NELL2: variants seen among roughly 807,000 people sequenced by gnomAD.
NELL2 encodes neural EGFL like 2.
NELL2 carries 41 observed loss-of-function variants against 109.6 expected under a neutral mutation model. The observed-to-expected ratio is 0.37, with a 90% CI of 0.29 to 0.49. NELL2 has a LOEUF of 0.49. Among genes scored for constraint, NELL2 ranks in the 20% least tolerant of loss-of-function variants. The pLI is 0.98. For synonymous variants in NELL2, 355 were observed against 344.7 expected, an observed-to-expected ratio of 1.03 and a Z score of -0.33; for missense variants, 900 against 1,008.3, an observed-to-expected ratio of 0.89 and a Z score of 1.45.
intron 2 of NELL2, among the ~76,000 whole-genome samples, chr12:44,820,874 G>A (rs1281905341): frequency 6.6e-6 from 1 of 151,654 alleles, no homozygotes; most frequent in Non-Finnish European, 1.5e-5. Flanking sequence ...TGATATGAGA[G>A]AGGTTAAAGT....
chr12:44,519,365 T>C (rs1941417267), intron 19 of NELL2, among the ~76,000 whole-genome samples: 1 of 152,262 alleles, frequency 6.6e-6, no homozygotes, highest in Admixed American at 6.5e-5. Context: ...CTATATGCTC[T>C]GCCTATATTC....
intron 11 of NELL2, among the ~76,000 whole-genome samples, chr12:44,704,736 T>C (rs1937760021): frequency 1.3e-5 from 2 of 152,156 alleles, no homozygotes; most frequent in African/African-American, 4.8e-5. Flanking sequence ...AGAAAGAAGG[T>C]GGCTGGGCAT....
At chr12:44,564,185 T>C (rs1943573985) in intron 15 of NELL2, among the ~76,000 whole-genome samples, 1 of 152,200 alleles carries the variant, frequency 6.6e-6, no homozygotes, top group Admixed American at 6.5e-5. Flanking sequence ...TTTAGTGAGT[T>C]AAACGACAAA....
intron 13 of NELL2, among the ~76,000 whole-genome samples, chr12:44,630,633 T>C (rs1946419258): frequency 5.3e-5 from 8 of 152,106 alleles, no homozygotes; most frequent in Admixed American, 4.6e-4. Context: ...GAATTATCCT[T>C]TAAGAAGTCC....
At chr12:44,641,746 G>C (rs1020796269) in intron 13 of NELL2, among the ~76,000 whole-genome samples, 2 of 144,270 alleles carry the variant, frequency 1.4e-5, no homozygotes, top group Admixed American at 7.1e-5. Flanking sequence ...ATCCAGGCTG[G>C]AGTTCAGTGG....
At chr12:44,790,465 T>G (rs1023433245) in intron 3 of NELL2, among the ~76,000 whole-genome samples, 8 of 152,148 alleles carry the variant, frequency 5.3e-5, no homozygotes, top group African/African-American at 1.9e-4. Flanking sequence ...TTACAAGTAC[T>G]GCTAAAAGGA....
At chr12:44,921,556 TATG>T (rs1945868107) in intron 1 of NELL2, among the ~76,000 whole-genome samples, 2 of 152,184 alleles carry the variant, frequency 1.3e-5, no homozygotes, top group South Asian at 4.1e-4. Context: ...AATGAATTGT[TATG>T]ATGATTAATT....
intron 13 of NELL2, among the ~76,000 whole-genome samples, chr12:44,622,378 A>G (rs947093555): frequency 6.6e-6 from 1 of 152,130 alleles, no homozygotes; most frequent in Non-Finnish European, 1.5e-5. Context: ...TTTCAAAGAA[A>G]GAAAAGGCTT....
chr12:44,589,095 C>T (rs996380263), intron 15 of NELL2, among the ~76,000 whole-genome samples: 3 of 152,276 alleles, frequency 2.0e-5, no homozygotes, highest in Non-Finnish European at 4.4e-5. Context: ...GGAGTTACTT[C>T]TCAGTATGGC....
intron 3 of NELL2, among the ~76,000 whole-genome samples, chr12:44,781,531 A>T (rs1274096372): frequency 1.3e-5 from 2 of 152,126 alleles, no homozygotes; most frequent in East Asian, 3.8e-4. Context: ...AAACTCACAG[A>T]TTCAAGAATC....
intron 2 of NELL2, among the ~76,000 whole-genome samples, chr12:44,829,188 A>G (rs970165787): frequency 6.6e-6 from 1 of 152,144 alleles, no homozygotes; most frequent in Non-Finnish European, 1.5e-5. Flanking sequence ...ATAAGGCAGA[A>G]ACATTAAGCA....
At chr12:44,690,731 T>C (rs997676001) in intron 12 of NELL2, among the ~76,000 whole-genome samples, 6 of 152,190 alleles carry the variant, frequency 3.9e-5, no homozygotes, top group Non-Finnish European at 8.8e-5. Flanking sequence ...CTCATGACTA[T>C]ATGACCAACA....
intron 3 of NELL2, among the ~76,000 whole-genome samples, chr12:44,787,124 A>T (rs1584595): frequency 0.99 from 151,070 of 152,298 alleles, 74,940 homozygotes; most frequent in Middle Eastern, 1. Flanking sequence ...TATTTCTACA[A>T]GCTAGCAAAA....
At chr12:44,784,709 T>C (rs1942096840) in intron 3 of NELL2, among the ~76,000 whole-genome samples, 1 of 152,192 alleles carries the variant, frequency 6.6e-6, no homozygotes, top group Admixed American at 6.5e-5. Flanking sequence ...ATCCCTGCGA[T>C]GCAAGGCTGG....
chr12:44,665,637 C>A, intron 12 of NELL2, 28 bp from the exon 13 acceptor site: 1 of 1,596,332 alleles, frequency 6.3e-7, no homozygotes, highest in South Asian at 1.1e-5. Context: ...ACAAAGAGGT[C>A]AACAGTGGGC....
intron 2 of NELL2, among the ~76,000 whole-genome samples, chr12:44,849,722 A>G (rs1488140648): frequency 5.3e-5 from 8 of 152,340 alleles, no homozygotes; most frequent in South Asian, 2.1e-4. Context: ...CATAATAGCC[A>G]AAGACTAGAA....
At chr12:44,686,937 C>G (rs971141909) in intron 12 of NELL2, among the ~76,000 whole-genome samples, 2 of 152,202 alleles carry the variant, frequency 1.3e-5, no homozygotes, top group Non-Finnish European at 2.9e-5. Context: ...CTGTGGTGGG[C>G]TCCACCCAGT....
intron 9 of NELL2, among the ~76,000 whole-genome samples, chr12:44,769,699 C>T (rs1052121991): frequency 6.6e-6 from 1 of 152,072 alleles, no homozygotes; most frequent in Non-Finnish European, 1.5e-5. Context: ...TAGCCCAAAT[C>T]GGCAAACTAC....
intron 15 of NELL2, among the ~76,000 whole-genome samples, chr12:44,539,661 A>G (rs566291717): frequency 2.0e-5 from 3 of 152,274 alleles, no homozygotes; most frequent in Non-Finnish European, 2.9e-5. Flanking sequence ...ACCAAGATAT[A>G]ATGCATTTCC....
Sources: allele counts gnomAD v4.1 joint callset (sites outside exome capture counted in the v4.1 genomes callset), GRCh38; gene constraint gnomAD v4.1.1; transcripts MANE v1.5; gene names NCBI Gene and HGNC (gene_info 2026-07-23, HGNC 2026-07-21).